Variants in TDRP observed in about 807,000 individuals in gnomAD.
The protein encoded by TDRP is testis development related protein, also known as testis development-related protein.
A neutral mutation model predicts 10.5 loss-of-function variants in TDRP; 12 were observed. The observed-to-expected ratio is 1.15, with a 90% confidence interval of 0.73 to 1.86. The LOEUF (loss-of-function observed/expected upper bound fraction) is 1.86. Among genes scored for constraint, TDRP ranks in the 40% most tolerant of loss-of-function variants. TDRP has a pLI of 0.00. For missense variants in TDRP, 353 were observed against 229.2 expected, an observed-to-expected ratio of 1.54 and a Z score of -3.49; for synonymous variants, 139 against 95.4, an observed-to-expected ratio of 1.46 and a Z score of -2.67.
At chr8:527,821 C>T (rs906519080) in intron 1 of TDRP, among the ~76,000 whole-genome samples, 1 of 152,082 alleles carries the variant, frequency 6.6e-6, no homozygotes, top group Non-Finnish European at 1.5e-5. Context: ...TAAAAGAAAA[C>T]ATCAGGGAAA....
At chr8:507,303 G>A (rs1801493470) in intron 1 of TDRP, among the ~76,000 whole-genome samples, 1 of 152,112 alleles carries the variant, frequency 6.6e-6, no homozygotes, top group Non-Finnish European at 1.5e-5. Context: ...GGAGATTTGA[G>A]ACAAGCCTAA....
intron 1 of TDRP, among the ~76,000 whole-genome samples, chr8:534,346 C>A (rs1802288707): frequency 6.6e-6 from 1 of 152,198 alleles, no homozygotes; most frequent in Non-Finnish European, 1.5e-5. Context: ...GCTAGGGTTC[C>A]CGCGAGCCTC....
At chr8:532,529 C>T (rs1413987851) in intron 1 of TDRP, among the ~76,000 whole-genome samples, 3 of 152,196 alleles carry the variant, frequency 2.0e-5, no homozygotes, top group Non-Finnish European at 2.9e-5. Flanking sequence ...TCATCTTGTT[C>T]ATTTTATCAT....
intron 1 of TDRP, among the ~76,000 whole-genome samples, chr8:524,223 TCA>T (rs1211515699): frequency 1.3e-5 from 2 of 151,974 alleles, no homozygotes; most frequent in African/African-American, 2.4e-5. Context: ...TCTGCAAGAG[TCA>T]CAGCATTACT....
intron 1 of TDRP, among the ~76,000 whole-genome samples, chr8:528,778 T>A (rs559103136): frequency 2.0e-5 from 3 of 152,308 alleles, no homozygotes; most frequent in Admixed American, 6.5e-5. Context: ...TAGAATAGGA[T>A]ATATACATAT....
chr8:529,141 C>T (rs112757469), intron 1 of TDRP, among the ~76,000 whole-genome samples: 9 of 152,034 alleles, frequency 5.9e-5, no homozygotes, highest in African/African-American at 2.2e-4. Flanking sequence ...TCTGCCTTTC[C>T]CAGTCCAAGG....
At chr8:496,504 C>G (rs1009462544) in intron 1 of TDRP, among the ~76,000 whole-genome samples, 10 of 152,334 alleles carry the variant, frequency 6.6e-5, no homozygotes, top group Admixed American at 1.3e-4. Context: ...ACTTAGCTCA[C>G]ACAAATGGCC....
chr8:504,454 C>A (rs185810454), intron 1 of TDRP, among the ~76,000 whole-genome samples: 3 of 152,236 alleles, frequency 2.0e-5, no homozygotes, highest in South Asian at 2.1e-4. Flanking sequence ...AGTCCAGGAG[C>A]CCCTAAGAAA....
At chr8:526,607 G>C (rs538740694) in intron 1 of TDRP, among the ~76,000 whole-genome samples, 48 of 152,288 alleles carry the variant, frequency 3.2e-4, no homozygotes, top group African/African-American at 1.0e-3. Context: ...TGGTTTGCCA[G>C]TATTTAATTG....
chr8:510,040 G>A (rs1377485114), intron 1 of TDRP, among the ~76,000 whole-genome samples: 1 of 152,164 alleles, frequency 6.6e-6, no homozygotes, highest in South Asian at 2.1e-4. Flanking sequence ...GTGACCTCCA[G>A]GAGGAAGCAC....
intron 1 of TDRP, among the ~76,000 whole-genome samples, chr8:499,622 C>T (rs751493878): frequency 3.3e-5 from 5 of 152,230 alleles, no homozygotes; most frequent in Non-Finnish European, 7.3e-5. Context: ...CAGACATGAT[C>T]GAAGTGTGAG....
At chr8:542,417 C>T (rs1407245375) in intron 1 of TDRP, among the ~76,000 whole-genome samples, 1 of 151,838 alleles carries the variant, frequency 6.6e-6, no homozygotes, top group Non-Finnish European at 1.5e-5. Flanking sequence ...GTAACAAACG[C>T]ACCATTCTGT....
At chr8:544,001 A>G (rs1278799688) in intron 1 of TDRP, among the ~76,000 whole-genome samples, 2 of 152,150 alleles carry the variant, frequency 1.3e-5, no homozygotes, top group Non-Finnish European at 2.9e-5. Context: ...CAATTACAAA[A>G]TTCTAGACAT....
intron 1 of TDRP, among the ~76,000 whole-genome samples, chr8:512,187 A>C (rs1044152908): frequency 6.6e-6 from 1 of 152,142 alleles, no homozygotes; most frequent in African/African-American, 2.4e-5. Context: ...GCAAATTGGA[A>C]GGCCACAGCA....
chr8:495,079 A>C (rs2116714832), intron 1 of TDRP: 1 of 156,722 alleles, frequency 6.4e-6, no homozygotes, highest in East Asian at 1.9e-4. Context: ...AAAAAATACA[A>C]AAACTTAGCC....
At chr8:499,753 C>G (rs575013386) in intron 1 of TDRP, among the ~76,000 whole-genome samples, 8 of 152,222 alleles carry the variant, frequency 5.3e-5, no homozygotes, top group African/African-American at 1.7e-4. Context: ...GAGCATCCCC[C>G]GGGAAGGACA....
At chr8:494,452 C>T (rs766527588) in intron 2 of TDRP, 42 bp downstream of exon 2, 1 of 1,575,926 alleles carries the variant, frequency 6.3e-7, no homozygotes, top group South Asian at 1.1e-5. Flanking sequence ...TGACTTCCTC[C>T]CTCTCCTGAA....
chr8:536,026 T>C (rs1434734393), intron 1 of TDRP, among the ~76,000 whole-genome samples: 2 of 152,218 alleles, frequency 1.3e-5, no homozygotes, highest in Non-Finnish European at 2.9e-5. Flanking sequence ...CCTTAAGCCC[T>C]AGCAAAAATC....
chr8:530,045 G>A (rs987767046), intron 1 of TDRP, among the ~76,000 whole-genome samples: 3 of 151,754 alleles, frequency 2.0e-5, no homozygotes, highest in East Asian at 1.9e-4. Flanking sequence ...AAATCCCTTA[G>A]GCTTTACTTT....
Sources: gnomAD v4.1 joint callset for allele counts (sites outside exome capture counted in the v4.1 genomes callset) on GRCh38, gnomAD v4.1.1 for gene constraint, MANE v1.5 for transcripts, NCBI Gene and HGNC (gene_info 2026-07-23, HGNC 2026-07-21) for gene names.